The following TMEM130 variants were observed in gnomAD, a reference collection of about 807,000 sequenced individuals.
The protein encoded by TMEM130 is transmembrane protein 130.
A neutral mutation model predicts 42.9 loss-of-function variants in TMEM130; 37 were observed. That is an observed-to-expected ratio of 0.86 (90% confidence interval 0.66 to 1.13). The LOEUF (loss-of-function observed/expected upper bound fraction) is 1.13. Ranked by LOEUF, TMEM130 falls within the 50% of genes most tolerant of loss-of-function variation. TMEM130 has a pLI of 0.00. For missense variants in TMEM130, 545 were observed against 562.6 expected (o/e 0.97, Z 0.32); for synonymous variants, 259 against 237.7 (o/e 1.09, Z -0.82).
chr7:98,863,368 G>A lies in TMEM130; in HGVS notation c.118C>T (p.Pro40Ser), dbSNP rs1299725035. Reference protein sequence around the residue: ...LYELNLTTDSPATTGAVVTIS... With the variant: ...LYELNLTTDSSATTGAVVTIS... Reference sequence around the variant, plus strand: ...GTCACCACCGCTCCCGTGGTGGCAGGGCTATCGGTGGTGAGATTGAGTTCA... The same window carrying A: ...GTCACCACCGCTCCCGTGGTGGCAGAGCTATCGGTGGTGAGATTGAGTTCA... Residue 40 changes from proline (P) to serine (S), a missense_variant, in exon 2 of 8, where the codon CCT (proline) becomes TCT (serine). Transcript: ENST00000339375. The A allele has an allele frequency of 2.5e-6, 4 of 1,600,920 alleles. No homozygotes were observed. The highest frequency in any genetic ancestry group is 2.6e-6 in the Non-Finnish European group (3 of 1,176,382).
rs373697466 is a variant in TMEM130, at chr7:98,856,199, G to A, written c.552-16C>T. 3 of 1,610,894 alleles carry A rather than the reference G, an allele frequency of 1.9e-6. No homozygotes were observed. Among genetic ancestry groups the A allele is most frequent in the Non-Finnish European group, 8.5e-7 (1 of 1,178,482 alleles). On this transcript the variant is annotated splice_polypyrimidine_tract_variant and intron_variant, in intron 3 of 7. Coordinates refer to ENST00000339375, the MANE Select transcript of TMEM130 (RefSeq NM_152913.3). ...CATCTGGGTCCTGTTAGGAGACAGG[G>A]AGGAGAGAGGAGGAAGACAGCAGAC...
chr7:98,848,560 C>A (rs782720803), intron 7 of TMEM130, 23 bp downstream of exon 7: 2 of 1,509,628 alleles, frequency 1.3e-6, no homozygotes, highest in Middle Eastern at 1.7e-4. Context: ...AGTAGTCCAG[C>A]CCCCACCCCA....
chr7:98,850,596 T>C (rs1794477078), intron 6 of TMEM130, among the ~76,000 whole-genome samples: 1 of 151,988 alleles, frequency 6.6e-6, no homozygotes, highest in Non-Finnish European at 1.5e-5. Flanking sequence ...ATATCTTTTG[T>C]AGAGACAGAG....
intron 5 of TMEM130, among the ~76,000 whole-genome samples, chr7:98,854,987 G>A (rs1027434011): frequency 5.3e-5 from 8 of 152,240 alleles, no homozygotes; most frequent in African/African-American, 9.6e-5. Context: ...AGTGAGCCAA[G>A]ATTGCGCCAC....
intron 1 of TMEM130, among the ~76,000 whole-genome samples, chr7:98,863,975 C>T (rs1794853091): frequency 6.6e-6 from 1 of 151,878 alleles, no homozygotes; most frequent in East Asian, 1.9e-4. Flanking sequence ...TCGCTGCAGC[C>T]TCCACCTTCT....
intron 3 of TMEM130, among the ~76,000 whole-genome samples, chr7:98,857,721 TC>T (rs1443058455): frequency 3.3e-5 from 1 of 29,966 alleles, no homozygotes; most frequent in Admixed American, 3.5e-4. Context: ...CAAAAACACA[TC>T]CTTTTTTTTT....
Position 98,850,273 on chromosome 7 carries a change from A to ATATATATATTTTTTTTT in TMEM130, c.1006+1147_1006+1148insAAAAAAAAATATATATA. ...CTCATATATATATATATATATATAT[A>ATATATATATTTTTTTTT]TTTTTTTTTTTTTTTAATTTTTTGA... On this transcript the variant is annotated intron_variant, in intron 6 of 7. Transcript: ENST00000339375. 4.2e-4 allele frequency among the ~76,000 whole-genome samples: 15 copies of ATATATATATTTTTTTTT among 35,444 alleles called. 1 individual carries two copies. The highest frequency in any genetic ancestry group is 8.9e-4 in the Non-Finnish European group (14 of 15,790). 23.3% of individuals were successfully genotyped at this position (35,444 alleles called of 152,430 possible). A position where few individuals can be genotyped will look rare whatever the true frequency, so the allele number is the denominator to read the frequency against.
At chr7:98,853,660 C>G (rs1794562631) in intron 5 of TMEM130, among the ~76,000 whole-genome samples, 1 of 152,186 alleles carries the variant, frequency 6.6e-6, no homozygotes, top group Admixed American at 6.5e-5. Flanking sequence ...CGCCTGGGCC[C>G]TGACCACTGA....
intron 3 of TMEM130, among the ~76,000 whole-genome samples, chr7:98,859,281 G>A (rs1484637229): frequency 1.3e-5 from 2 of 151,518 alleles, no homozygotes; most frequent in Admixed American, 1.3e-4. Flanking sequence ...CCAAAAAGGG[G>A]AAAAAAGACA....
At chr7:98,864,178 C>T (rs1554400290) in intron 1 of TMEM130, among the ~76,000 whole-genome samples, 2 of 152,016 alleles carry the variant, frequency 1.3e-5, no homozygotes, top group Non-Finnish European at 2.9e-5. Context: ...ACAGGCCACA[C>T]AGAGAACATT....
rs1488975590 is a variant in TMEM130, at chr7:98,847,785, G to A, written c.*271C>T. ...CACCCCAAGCATCAAAGTCCTGCAC[G>A]AAGCCTCTTCAAAGGTAGGGGGTCA... On this transcript the variant is annotated 3_prime_UTR_variant, in exon 8 of 8. Transcript: ENST00000339375. The A allele has an allele frequency of 3.7e-5, 12 of 320,942 alleles. No individual in the cohort carries two copies. The highest frequency in any genetic ancestry group is 1.9e-4 in the African/African-American group (9 of 46,982). The allele number at this position is 320,942 out of a possible 1,614,324, so 19.9% of individuals were successfully genotyped here. A position where few individuals can be genotyped will look rare whatever the true frequency, so the allele number is the denominator to read the frequency against.
intron 6 of TMEM130, among the ~76,000 whole-genome samples, chr7:98,850,273 A>ATATATATTTTTTT: frequency 2.3e-4 from 8 of 35,448 alleles, no homozygotes; most frequent in Non-Finnish European, 3.8e-4. Context: ...ATATATATAT[A>ATATATATTTTTTT]TTTTTTTTTT....
At chr7:98,850,054 T>A (rs1794450683) in intron 6 of TMEM130, among the ~76,000 whole-genome samples, 1 of 151,510 alleles carries the variant, frequency 6.6e-6, no homozygotes, top group African/African-American at 2.4e-5. Flanking sequence ...TTTTATTTTT[T>A]ATTTATTTTT....
At chr7:98,857,968 C>T (rs373369859) in intron 3 of TMEM130, among the ~76,000 whole-genome samples, 1 of 152,000 alleles carries the variant, frequency 6.6e-6, no homozygotes, top group African/African-American at 2.4e-5. Context: ...TCTCAAACTC[C>T]TGACCTCAAG....
At chr7:98,853,835 C>T (rs1410969666) in intron 5 of TMEM130, among the ~76,000 whole-genome samples, 4 of 152,202 alleles carry the variant, frequency 2.6e-5, no homozygotes, top group Non-Finnish European at 5.9e-5. Flanking sequence ...TGAGAATCCC[C>T]TGGAATGATC....
Position 98,847,672 on chromosome 7 carries a change from A to C in TMEM130, c.*384T>G. 5.9e-6 allele frequency: 1 copy of C among 168,552 alleles called. No homozygotes were observed. The highest frequency in any genetic ancestry group is 1.3e-5 in the Non-Finnish European group (1 of 79,118). The allele number at this position is 168,552 out of a possible 1,614,324, so 10.4% of individuals were successfully genotyped here. ...ACAGGTAGGGCTGTCTGGGGGAGGAAACTGAGAACCCCCAATGGACAGCAG... is the reference window on the plus strand; with the variant it reads ...ACAGGTAGGGCTGTCTGGGGGAGGACACTGAGAACCCCCAATGGACAGCAG... On this transcript the variant is annotated 3_prime_UTR_variant, in exon 8 of 8. Coordinates refer to ENST00000339375, the MANE Select transcript of TMEM130 (RefSeq NM_152913.3).
chr7:98,850,267 A>ATTTTTTT (rs1161479294), intron 6 of TMEM130, among the ~76,000 whole-genome samples: 1 of 28,830 alleles, frequency 3.5e-5, no homozygotes, highest in Non-Finnish European at 7.4e-5. Flanking sequence ...ATATATATAT[A>ATTTTTTT]TATATATTTT....
chr7:98,860,109 C>T (rs2116108433), intron 3 of TMEM130, 70 bp downstream of exon 3: 2 of 1,464,586 alleles, frequency 1.4e-6, no homozygotes, highest in South Asian at 1.3e-5. Flanking sequence ...ATTCGGAGTA[C>T]CCTGCACAGT....
At chr7:98,858,384 T>C (rs1207744782) in intron 3 of TMEM130, among the ~76,000 whole-genome samples, 1 of 150,402 alleles carries the variant, frequency 6.6e-6, no homozygotes, top group Non-Finnish European at 1.5e-5. Flanking sequence ...CTACAAAACA[T>C]TTTAAAAAAT....
Sources: allele counts gnomAD v4.1 joint callset (sites outside exome capture counted in the v4.1 genomes callset), GRCh38; gene constraint gnomAD v4.1.1; transcripts MANE v1.5; gene names NCBI Gene and HGNC (gene_info 2026-07-23, HGNC 2026-07-21).